The following MYO7A variants were observed in gnomAD, a reference collection of about 807,000 sequenced individuals.
MYO7A encodes myosin VIIA.
MYO7A carries 210 observed loss-of-function variants against 263.8 expected under a neutral mutation model. The ratio of observed to expected loss-of-function variants is 0.80; its 90% CI spans 0.71 to 0.89. MYO7A has a LOEUF of 0.89. MYO7A is among the 40% of genes least tolerant of loss of function. MYO7A has a pLI of 0.00. For missense variants in MYO7A, 2,820 were observed against 2,968.3 expected (o/e 0.95, Z 1.16); for synonymous variants, 1,239 against 1,197.3 (o/e 1.03, Z -0.72).
At chr11:77,163,886 G>A (rs979052448) in intron 14 of MYO7A, among the ~76,000 whole-genome samples, 12 of 152,224 alleles carry the variant, frequency 7.9e-5, no homozygotes, top group African/African-American at 2.9e-4. Flanking sequence ...CTGAACACTT[G>A]TGTACAAATA....
intron 3 of MYO7A, among the ~76,000 whole-genome samples, chr11:77,144,485 G>A (rs772822585): frequency 9.2e-5 from 14 of 152,296 alleles, no homozygotes; most frequent in Non-Finnish European, 1.5e-4. Context: ...AGTGGGGGCT[G>A]CAGGAGGGGT....
At chr11:77,165,328 A>C (rs10793238) in intron 14 of MYO7A, among the ~76,000 whole-genome samples, 56,251 of 151,764 alleles carry the variant, frequency 0.37, 10,702 homozygotes, top group African/African-American at 0.4. Context: ...CCCACTCTAC[A>C]ACCCCCTCCC....
intron 16 of MYO7A, among the ~76,000 whole-genome samples, 178 bp from the exon 17 acceptor site, chr11:77,174,578 C>T (rs1464343771): frequency 6.6e-6 from 1 of 152,252 alleles, no homozygotes; most frequent in Non-Finnish European, 1.5e-5. Flanking sequence ...CGACAGGCCT[C>T]ACTTTATGCT....
chr11:77,190,649 C>T, intron 29 of MYO7A, 48 bp from the exon 30 acceptor site: 1 of 1,539,400 alleles, frequency 6.5e-7, no homozygotes. Context: ...GAGGGGCAGG[C>T]AGGTCTGAAG....
rs535276389 is a variant in MYO7A at position 77,158,937 on chromosome 11, G to T, written c.1003+507G>T. Among the ~76,000 whole-genome samples the T allele has an allele frequency of 2.0e-5, 3 of 152,292 alleles. No individual in the cohort carries two copies. In the East Asian group the frequency reaches 5.8e-4, roughly 29 times the overall value. ...GCTCTTGCCCCTGATTCCCAGCATG[G>T]TCCCCAGGCAGAGTAGGAGCCCCAG... On this transcript the variant is annotated intron_variant, in intron 9 of 48. Coordinates refer to ENST00000409709, the MANE Select transcript of MYO7A (RefSeq NM_000260.4).
At chr11:77,157,229 C>T (rs1555063672) in intron 7 of MYO7A, 50 bp from the exon 8 acceptor site, 3 of 1,480,726 alleles carry the variant, frequency 2.0e-6, no homozygotes, top group Non-Finnish European at 2.8e-6. Context: ...TCCTGATGGC[C>T]TCCTCTGGCC....
rs576957902 is a variant in MYO7A, at chr11:77,204,686, G to A, written c.5480+457G>A. ...TTCTCCTCCCGCTGGGACAGCCCAA[G>A]ACAGGAGTAGAAAGTCAGGCACAGG... On this transcript the variant is annotated intron_variant, in intron 39 of 48. Coordinates refer to ENST00000409709, the MANE Select transcript of MYO7A (RefSeq NM_000260.4). Among the ~76,000 whole-genome samples, 4 of 152,304 alleles carry A rather than the reference G, an allele frequency of 2.6e-5. No individual in the cohort carries two copies. In the East Asian group the frequency reaches 7.7e-4, roughly 29 times the overall value.
At chr11:77,185,203 G>A (rs184905096) in intron 27 of MYO7A, among the ~76,000 whole-genome samples, 1 of 152,320 alleles carries the variant, frequency 6.6e-6, no homozygotes, top group African/African-American at 2.4e-5. Context: ...GGTGGTTGCT[G>A]AAGGTCGAGG....
intron 3 of MYO7A, among the ~76,000 whole-genome samples, chr11:77,144,315 G>A (rs565185603): frequency 1.3e-5 from 2 of 152,310 alleles, no homozygotes; most frequent in East Asian, 1.9e-4. Flanking sequence ...CAGCATAGAC[G>A]GGCCTGCTAA....
rs552720856 is a variant in MYO7A at position 77,202,195 on chromosome 11, C to T, written c.5044-105C>T. The T allele has an allele frequency of 6.1e-5, 85 of 1,392,852 alleles. No individual in the cohort carries two copies. The African/African-American group carries it at 9.2e-4, about 15-fold the overall frequency. 86.3% of individuals were successfully genotyped at this position (1,392,852 alleles called of 1,614,324 possible). Reference sequence around the variant, plus strand: ...TCAGAATGGGGCATGGGGTCCATACCCCTGAAGAGTCTCCCAGAGTCCAGA... The same window carrying T: ...TCAGAATGGGGCATGGGGTCCATACTCCTGAAGAGTCTCCCAGAGTCCAGA... On this transcript the variant is annotated intron_variant, in intron 36 of 48. Coordinates refer to ENST00000409709, the MANE Select transcript of MYO7A (RefSeq NM_000260.4).
chr11:77,167,859 A>T (rs1953698972), intron 15 of MYO7A, among the ~76,000 whole-genome samples: 1 of 152,080 alleles, frequency 6.6e-6, no homozygotes, highest in Non-Finnish European at 1.5e-5. Flanking sequence ...TCAGCCCTGG[A>T]AGAACCTCCC....
intron 40 of MYO7A, 143 bp downstream of exon 40, chr11:77,205,760 G>T (rs1488347640): frequency 1.2e-5 from 14 of 1,161,350 alleles, no homozygotes; most frequent in African/African-American, 3.1e-5. Flanking sequence ...CTAGACGGAG[G>T]TGCGGATCCT....
At position 77,183,132 on chromosome 11, in the gene MYO7A, A is replaced by G. The variant is rs546933063; in HGVS notation, c.3350A>G (p.Lys1117Arg). 7 of 1,552,426 alleles carry G rather than the reference A, an allele frequency of 4.5e-6. No homozygotes were observed. In the African/African-American group the frequency reaches 9.6e-5, roughly 21 times the overall value. ...VRHKLVHLTL[K>R]KKSKLTEEVT... ...CACAAGCTGGTGCATTTGACTCTGAAAAAGAAGTCCAAGCTCACAGAGGAG... is the reference window on the plus strand; with the variant it reads ...CACAAGCTGGTGCATTTGACTCTGAGAAAGAAGTCCAAGCTCACAGAGGAG... The change falls in exon 26 of 49, where the codon AAA (lysine) becomes AGA (arginine). Residue 1117 changes from lysine (K) to arginine (R), a missense_variant. Physicochemically the swap from Lys to Arg is conservative, Grantham distance 26 (BLOSUM62 2). Coordinates refer to ENST00000409709, the MANE Select transcript of MYO7A (RefSeq NM_000260.4).
intron 16 of MYO7A, 84 bp from the exon 17 acceptor site, chr11:77,174,672 T>C: frequency 2.1e-6 from 3 of 1,441,492 alleles, no homozygotes; most frequent in South Asian, 1.3e-5. Context: ...TTTCTGAGCC[T>C]TTGTCTGGGT....
At chr11:77,209,569 C>G (rs1957722530) in intron 44 of MYO7A, among the ~76,000 whole-genome samples, 1 of 151,624 alleles carries the variant, frequency 6.6e-6, no homozygotes, top group Non-Finnish European at 1.5e-5. Context: ...TGCATGGCCC[C>G]TGGACTACCA....
At position 77,192,200 on chromosome 11, in the gene MYO7A, C is replaced by T. The variant is rs78996818; in HGVS notation, c.4074C>T (p.Ser1358=). The stretch of plus-strand genomic sequence containing the variant: ...TCTTCACGCCCTGGCACAGCCCCTC[C>T]GAGGACAACGTGGCCACCAACCTCA... ...KEVFTPWHSP[S]EDNVATNLIY... The change falls in exon 31 of 49, where the codon TCC becomes TCT. Residue 1358 remains serine, a synonymous_variant. Coordinates refer to ENST00000409709, the MANE Select transcript of MYO7A (RefSeq NM_000260.4). 7,708 of 1,614,052 alleles carry T rather than the reference C, an allele frequency of 4.8e-3. 36 individuals carry two copies. Among genetic ancestry groups the T allele is most frequent in the Middle Eastern group, 0.015 (93 of 6,062 alleles).
At position 77,157,425 on chromosome 11, in the gene MYO7A, C is replaced by A. The variant is rs562440690; in HGVS notation, c.849+33C>A. The A allele has an allele frequency of 9.8e-5, 144 of 1,473,908 alleles. 4 individuals are homozygous for A. Among genetic ancestry groups the A allele is most frequent in the South Asian group, 9.0e-4 (75 of 83,524 alleles). The allele number at this position is 1,473,908 out of a possible 1,614,324, so 91.3% of individuals were successfully genotyped here. ...CCAGGTGGGCCCCTGGGTAGGGGGG[C>A]ACCCACCCTAGGATTGTAGGGAGCT... On this transcript the variant is annotated intron_variant, in intron 8 of 48. Coordinates refer to ENST00000409709, the MANE Select transcript of MYO7A (RefSeq NM_000260.4).
intron 8 of MYO7A, 133 bp from the exon 9 acceptor site, chr11:77,158,144 G>C: frequency 1.1e-6 from 1 of 888,246 alleles, no homozygotes; most frequent in Non-Finnish European, 1.6e-6. Context: ...CACCGGGTGA[G>C]GTCAGCGCCT....
intron 41 of MYO7A, 63 bp from the exon 42 acceptor site, chr11:77,207,226 G>GCCCGGGAGGACCAGGT (rs1198436188): frequency 8.3e-7 from 1 of 1,206,322 alleles, no homozygotes; most frequent in Admixed American, 2.0e-5. Context: ...AGCCAGAGGG[G>GCCCGGGAGGACCAGGT]CCCGGGAGGA....
Sources: gnomAD v4.1 joint callset for allele counts (sites outside exome capture counted in the v4.1 genomes callset) on GRCh38, gnomAD v4.1.1 for gene constraint, MANE v1.5 for transcripts, NCBI Gene and HGNC (gene_info 2026-07-23, HGNC 2026-07-21) for gene names.